SUMF1: variants seen among roughly 807,000 people sequenced by gnomAD.
The protein encoded by SUMF1 is formylglycine-generating enzyme.
SUMF1 carries 48 observed loss-of-function variants against 47.6 expected under a neutral mutation model. The ratio of observed to expected loss-of-function variants is 1.01; its 90% CI spans 0.80 to 1.28. The LOEUF (loss-of-function observed/expected upper bound fraction) is 1.28, where lower values mean the gene tolerates loss of function less well. Ranked by LOEUF, SUMF1 falls within the 50% of genes most tolerant of loss-of-function variation. The probability of loss-of-function intolerance (pLI) is 0.00; values close to 1 mark genes in which losing one functional copy is unlikely to be tolerated. For synonymous variants in SUMF1, 230 were observed against 192.1 expected (o/e 1.20, Z -1.63); for missense variants, 571 against 485.4 (o/e 1.18, Z -1.66).
intron 8 of SUMF1, among the ~76,000 whole-genome samples, chr3:4,151,620 T>G (rs1482969596): frequency 2.0e-5 from 3 of 147,484 alleles, no homozygotes; most frequent in Non-Finnish European, 4.4e-5. Flanking sequence ...GTGTCGAAAC[T>G]TTTGGCTTCC....
At chr3:4,251,963 C>T (rs147198167) in intron 8 of SUMF1, among the ~76,000 whole-genome samples, 5 of 152,218 alleles carry the variant, frequency 3.3e-5, no homozygotes, top group Admixed American at 2.0e-4. Flanking sequence ...TCTATATGCA[C>T]GGGAAAACCA....
chr3:4,068,568 CA>C (rs1695435694), exon 9 of SUMF1: 1 of 354,204 alleles, frequency 2.8e-6, no homozygotes, highest in African/African-American at 2.1e-5. Flanking sequence ...TTTGTACTTA[CA>C]GCACATCTCA....
At chr3:4,295,810 C>A (rs1431033054) in intron 8 of SUMF1, among the ~76,000 whole-genome samples, 2 of 152,268 alleles carry the variant, frequency 1.3e-5, no homozygotes, top group African/African-American at 4.8e-5. Flanking sequence ...GATATTACTT[C>A]ACAGCTAAAG....
chr3:4,319,350 G>A (rs1485329146), intron 8 of SUMF1, among the ~76,000 whole-genome samples: 1 of 152,186 alleles, frequency 6.6e-6, no homozygotes, highest in African/African-American at 2.4e-5. Flanking sequence ...ATTTCACTGG[G>A]TGCTGCAGCC....
At chr3:4,118,227 G>T (rs59404258) in intron 8 of SUMF1, among the ~76,000 whole-genome samples, 58,700 of 151,690 alleles carry the variant, frequency 0.39, 11,737 homozygotes, top group Non-Finnish European at 0.43. Flanking sequence ...TTTACAGAGA[G>T]AAGAGAAGAT....
intron 8 of SUMF1, among the ~76,000 whole-genome samples, chr3:4,366,733 A>G (rs1371377854): frequency 2.0e-5 from 3 of 152,176 alleles, no homozygotes; most frequent in Non-Finnish European, 4.4e-5. Context: ...GTCATTCTCC[A>G]TCCAGCTTTG....
intron 8 of SUMF1, among the ~76,000 whole-genome samples, chr3:4,331,924 AC>A (rs1163690771): frequency 3.3e-5 from 5 of 152,248 alleles, no homozygotes; most frequent in African/African-American, 1.2e-4. Flanking sequence ...ATGCCTTAAA[AC>A]ATCTGGTAGA....
chr3:4,303,425 G>C (rs993427764), intron 8 of SUMF1: 1 of 1,554,852 alleles, frequency 6.4e-7, no homozygotes, highest in Admixed American at 2.0e-5. Context: ...GGAGTTTAAG[G>C]AGAAGCCTGA....
chr3:4,318,755 A>G (rs868688473), intron 8 of SUMF1, among the ~76,000 whole-genome samples: 1 of 152,160 alleles, frequency 6.6e-6, no homozygotes, highest in Non-Finnish European at 1.5e-5. Context: ...TAAAACTACA[A>G]AAATAAGCTG....
Position 4,404,167 on chromosome 3 carries a change from T to A in SUMF1, c.954+6698A>T, listed in dbSNP as rs1295785238. ...GTTCTATTTTACTGGATGAAGAACC[T>A]TGCAACTGATCCACAGTGAAAAATT... On this transcript the variant is annotated intron_variant, in intron 7 of 8. Transcript: ENST00000272902. Among the ~76,000 whole-genome samples, 8 of 152,326 alleles carry A rather than the reference T, an allele frequency of 5.3e-5. No individual in the cohort carries two copies. The South Asian group carries it at 1.5e-3, about 28-fold the overall frequency.
At chr3:4,299,284 G>C (rs1437716021) in intron 8 of SUMF1, among the ~76,000 whole-genome samples, 1 of 152,186 alleles carries the variant, frequency 6.6e-6, no homozygotes, top group African/African-American at 2.4e-5. Flanking sequence ...AGGCAGCTCT[G>C]TGACCTGCTG....
At position 4,101,168 on chromosome 3, in the gene SUMF1, T is replaced by C. The variant is rs558941291; in HGVS notation, c.1015-32423A>G. Among the ~76,000 whole-genome samples, 11 of 150,800 alleles carry C rather than the reference T, an allele frequency of 7.3e-5. No homozygotes were observed. The East Asian group carries it at 8.0e-4, about 11-fold the overall frequency. ...ATATACCCAGGGGAATTGAAATCAG[T>C]ATGTTAAAAAAAAGTCTACATTTTC... On this transcript the variant is annotated intron_variant and NMD_transcript_variant, in intron 8 of 12. Transcript: ENST00000448413.
chr3:4,410,791 G>T, intron 7 of SUMF1, 74 bp downstream of exon 7: 1 of 1,334,946 alleles, frequency 7.5e-7, no homozygotes, highest in Non-Finnish European at 1.1e-6. Flanking sequence ...GGAAACACAT[G>T]ACAGCCTGGC....
chr3:4,149,567 T>A (rs1315624631), intron 8 of SUMF1, among the ~76,000 whole-genome samples: 1 of 152,140 alleles, frequency 6.6e-6, no homozygotes, highest in Non-Finnish European at 1.5e-5. Flanking sequence ...AACCACGTCA[T>A]TAGGAATTTC....
At chr3:4,105,610 A>G (rs760855983) in intron 8 of SUMF1, among the ~76,000 whole-genome samples, 1 of 152,124 alleles carries the variant, frequency 6.6e-6, no homozygotes, top group Non-Finnish European at 1.5e-5. Flanking sequence ...ACTGACAGAA[A>G]TAGGAATATT....
Position 4,362,157 on chromosome 3 carries a change from G to T in SUMF1, c.1112C>A (p.Pro371His), listed in dbSNP as rs746683858. 3 of 1,614,116 alleles carry T rather than the reference G, an allele frequency of 1.9e-6. No individual in the cohort carries two copies. Among genetic ancestry groups the T allele is most frequent in the East Asian group, 2.2e-5 (1 of 44,870 alleles). The part of the protein sequence containing the change: ...LGFRCAADRL[P>H]TMD ...TTTCCTTGGTTGTCAGTCCATAGTG[G>T]GCAGGCGGTCGGCTGCACAGCGGAA... The change falls in exon 9 of 9, where the codon CCC (proline) becomes CAC (histidine). Residue 371 changes from proline to histidine, a missense_variant. Coordinates refer to ENST00000272902, the MANE Select transcript of SUMF1 (RefSeq NM_182760.4).
intron 8 of SUMF1, among the ~76,000 whole-genome samples, chr3:4,157,428 T>A (rs951515111): frequency 2.6e-5 from 4 of 151,684 alleles, no homozygotes; most frequent in African/African-American, 9.8e-5. Context: ...ACAGGTATTT[T>A]ATTCTGTTCC....
intron 8 of SUMF1, among the ~76,000 whole-genome samples, chr3:4,114,090 G>A (rs903604714): frequency 3.3e-5 from 5 of 152,048 alleles, no homozygotes; most frequent in African/African-American, 1.2e-4. Context: ...TAGAAGGTGG[G>A]AGATGTCCCA....
chr3:4,148,729 A>G (rs1259832874), intron 8 of SUMF1, among the ~76,000 whole-genome samples: 1 of 152,134 alleles, frequency 6.6e-6, no homozygotes, highest in Non-Finnish European at 1.5e-5. Context: ...AATGGACCAC[A>G]TTTGATCCAC....
Sources: allele counts gnomAD v4.1 joint callset (sites outside exome capture counted in the v4.1 genomes callset), GRCh38; gene constraint gnomAD v4.1.1; transcripts MANE v1.5; gene names NCBI Gene and HGNC (gene_info 2026-07-23, HGNC 2026-07-21).